Variants in LINGO1 observed in about 807,000 individuals in gnomAD.
The protein encoded by LINGO1 is leucine rich repeat and Ig domain containing 1, also known as leucine-rich repeat and immunoglobulin-like domain-containing nogo receptor-interacting protein 1.
In LINGO1, 11 loss-of-function variants were observed where a neutral mutation model predicts 37.3. The ratio of observed to expected loss-of-function variants is 0.29; its 90% CI spans 0.19 to 0.49. LINGO1 has a LOEUF of 0.49. Among genes scored for constraint, LINGO1 ranks in the 20% least tolerant of loss-of-function variants. The pLI is 0.99. For synonymous variants in LINGO1, 387 were observed against 403.0 expected (o/e 0.96, Z 0.48); for missense variants, 585 against 878.2 (o/e 0.67, Z 4.22).
chr15:77,639,616 G>A (rs765527537), intron 3 of LINGO1, among the ~76,000 whole-genome samples: 8 of 152,044 alleles, frequency 5.3e-5, no homozygotes, highest in African/African-American at 1.9e-4. Context: ...CGGTACATTC[G>A]CACAATGGAA....
upstream of LINGO1, among the ~76,000 whole-genome samples, chr15:77,633,578 C>T (rs1211630891): frequency 2.0e-5 from 3 of 152,158 alleles, no homozygotes; most frequent in Non-Finnish European, 4.4e-5. Flanking sequence ...ACCCAGGAGC[C>T]GGGGTCCCCG....
At chr15:77,708,393 A>C (rs2075878272) in intron 2 of LINGO1, among the ~76,000 whole-genome samples, 1 of 152,202 alleles carries the variant, frequency 6.6e-6, no homozygotes, top group Non-Finnish European at 1.5e-5. Context: ...GGTCAGGAGC[A>C]AGGGAAAACC....
intron 1 of LINGO1, among the ~76,000 whole-genome samples, chr15:77,808,237 C>T (rs994161838): frequency 3.9e-5 from 6 of 152,196 alleles, no homozygotes; most frequent in Non-Finnish European, 8.8e-5. Context: ...CAGCCCGGGC[C>T]CCTCTCCAGC....
At chr15:77,645,189 C>T (rs551421659) in intron 3 of LINGO1, among the ~76,000 whole-genome samples, 3 of 152,304 alleles carry the variant, frequency 2.0e-5, no homozygotes, top group African/African-American at 7.2e-5. Context: ...TCAGAACGGG[C>T]GGTGCAGGGA....
intron 3 of LINGO1, among the ~76,000 whole-genome samples, chr15:77,644,692 A>G (rs1029699671): frequency 6.6e-6 from 1 of 152,218 alleles, no homozygotes; most frequent in African/African-American, 2.4e-5. Flanking sequence ...GGGACACAGC[A>G]CTGGCTGGCT....
chr15:77,682,067 C>A (rs2075423417), intron 2 of LINGO1, among the ~76,000 whole-genome samples: 2 of 152,088 alleles, frequency 1.3e-5, no homozygotes, highest in South Asian at 4.1e-4. Flanking sequence ...CCCTAAGAGT[C>A]CCTGATAAAA....
chr15:77,661,839 T>G (rs531646933), intron 3 of LINGO1, among the ~76,000 whole-genome samples: 1 of 152,332 alleles, frequency 6.6e-6, no homozygotes, highest in Non-Finnish European at 1.5e-5. Context: ...TCAGTTTCCC[T>G]GTGTGGACAA....
At chr15:77,660,071 G>A (rs1283675183) in intron 3 of LINGO1, 1 of 152,244 alleles carries the variant, frequency 6.6e-6, no homozygotes, top group African/African-American at 2.4e-5. Context: ...CCATTCTGAA[G>A]AGGAGGAGTT....
At chr15:77,696,921 G>A (rs2141264099), upstream of LINGO1, among the ~76,000 whole-genome samples, 1 of 152,374 alleles carries the variant, frequency 6.6e-6, no homozygotes, top group South Asian at 2.1e-4. Flanking sequence ...CTCATGGGAA[G>A]GTGGTCAGCA....
intron 1 of LINGO1, among the ~76,000 whole-genome samples, chr15:77,735,880 A>G (rs952497044): frequency 2.0e-5 from 3 of 152,134 alleles, no homozygotes; most frequent in African/African-American, 7.2e-5. Context: ...GTGTGCACAC[A>G]TATCTTACTC....
chr15:77,756,854 G>A (rs569354348), intron 1 of LINGO1, among the ~76,000 whole-genome samples: 4 of 152,160 alleles, frequency 2.6e-5, no homozygotes, highest in Non-Finnish European at 4.4e-5. Flanking sequence ...ATACTCCACC[G>A]CCCCCCAATG....
At chr15:77,757,306 C>T (rs1201881947) in intron 1 of LINGO1, among the ~76,000 whole-genome samples, 1 of 152,218 alleles carries the variant, frequency 6.6e-6, no homozygotes, top group Non-Finnish European at 1.5e-5. Flanking sequence ...AGAATCTGAG[C>T]CCCCAGAACA....
At chr15:77,790,516 TG>T (rs1165804755), upstream of LINGO1, among the ~76,000 whole-genome samples, 1 of 150,986 alleles carries the variant, frequency 6.6e-6, no homozygotes, top group African/African-American at 2.4e-5. Context: ...AGGGCCAGGG[TG>T]GGGGGTGGTC....
chr15:77,673,399 A>G (rs999747105), intron 3 of LINGO1, among the ~76,000 whole-genome samples: 17 of 152,202 alleles, frequency 1.1e-4, no homozygotes, highest in African/African-American at 3.6e-4. Flanking sequence ...CAAATCAATA[A>G]GATGCATTTC....
intron 1 of LINGO1, among the ~76,000 whole-genome samples, chr15:77,767,354 C>A (rs1018274520): frequency 6.6e-6 from 1 of 152,188 alleles, no homozygotes; most frequent in Non-Finnish European, 1.5e-5. Context: ...TACACCCAGT[C>A]AGACTGTCAG....
At chr15:77,684,219 G>A (rs912727191) in intron 2 of LINGO1, among the ~76,000 whole-genome samples, 2 of 152,198 alleles carry the variant, frequency 1.3e-5, no homozygotes, top group African/African-American at 4.8e-5. Flanking sequence ...TTTAGGAAGT[G>A]CACCTCGTTC....
intron 3 of LINGO1, chr15:77,648,042 G>A (rs1321890960): frequency 2.5e-6 from 1 of 406,548 alleles, no homozygotes; most frequent in Non-Finnish European, 5.0e-6. Flanking sequence ...GGAAAGGGCA[G>A]TCAGACAGCA....
upstream of LINGO1, among the ~76,000 whole-genome samples, chr15:77,699,627 C>CCATCCCCGCACACAG (rs2075748659): frequency 9.0e-4 from 2 of 2,222 alleles, no homozygotes; most frequent in Non-Finnish European, 1.0e-3. Context: ...TCTGCACAAA[C>CCATCCCCGCACACAG]TAAACACATA....
intron 2 of LINGO1, among the ~76,000 whole-genome samples, chr15:77,684,977 T>G (rs781689261): frequency 6.7e-6 from 1 of 149,634 alleles, no homozygotes; most frequent in Admixed American, 6.7e-5. Context: ...AGGGTCTCCA[T>G]GAAGGCAGTG....
Sources: gnomAD v4.1 joint callset for allele counts (sites outside exome capture counted in the v4.1 genomes callset) on GRCh38, gnomAD v4.1.1 for gene constraint, MANE v1.5 for transcripts, NCBI Gene and HGNC (gene_info 2026-07-23, HGNC 2026-07-21) for gene names.